ZC3H18: variants seen among roughly 807,000 people sequenced by gnomAD.
ZC3H18 encodes the protein zinc finger CCCH domain-containing protein 18.
Under a neutral mutation model 106.1 loss-of-function variants are expected in ZC3H18, and 8 were observed. That is an observed-to-expected ratio of 0.08 (90% CI 0.04 to 0.14). ZC3H18 has a LOEUF of 0.14. ZC3H18 is among the 10% of genes least tolerant of loss of function. The probability of loss-of-function intolerance (pLI) is 1.00; values close to 1 mark genes in which losing one functional copy is unlikely to be tolerated. For synonymous variants in ZC3H18, 635 were observed against 522.1 expected (o/e 1.22, Z -2.95); for missense variants, 1,318 against 1,278.4 (o/e 1.03, Z -0.47).
intron 11 of ZC3H18, 194 bp from the exon 12 acceptor site, chr16:88,624,408 G>C: frequency 1.1e-6 from 1 of 878,516 alleles, no homozygotes. Context: ...TGGAAGGGCT[G>C]CTGGGGGCTT....
chr16:88,591,987 C>T (rs942325214), intron 3 of ZC3H18, among the ~76,000 whole-genome samples: 25 of 150,182 alleles, frequency 1.7e-4, no homozygotes, highest in Non-Finnish European at 2.7e-4. Context: ...CCGCTGGCAG[C>T]GGAGTTGCTG....
intron 3 of ZC3H18, among the ~76,000 whole-genome samples, chr16:88,588,860 C>G (rs184864014): frequency 5.9e-5 from 9 of 151,962 alleles, no homozygotes; most frequent in African/African-American, 2.2e-4. Context: ...GTACTCCAGC[C>G]TGGGCGACAG....
chr16:88,603,789 AT>A (rs58417387), intron 6 of ZC3H18, among the ~76,000 whole-genome samples: 3,997 of 135,366 alleles, frequency 0.03, 82 homozygotes, highest in African/African-American at 0.053. Context: ...TGCCCGGCTA[AT>A]TTTTTTTTTT....
At chr16:88,607,609 C>A (rs1055865568) in intron 6 of ZC3H18, among the ~76,000 whole-genome samples, 1 of 152,158 alleles carries the variant, frequency 6.6e-6, no homozygotes, top group Non-Finnish European at 1.5e-5. Flanking sequence ...TTTATTCACA[C>A]GCTTCATGTC....
chr16:88,602,050 C>T (rs1454956471), intron 6 of ZC3H18, among the ~76,000 whole-genome samples: 1 of 152,202 alleles, frequency 6.6e-6, no homozygotes, highest in Non-Finnish European at 1.5e-5. Context: ...TGCTGAGACC[C>T]GGAGGGAAGG....
In ZC3H18 at chr16:88,631,516, A is replaced by C. The variant is rs1906690519; in HGVS notation, c.*217A>C. 2.9e-6 allele frequency: 2 copies of C among 684,012 alleles called. No individual in the cohort carries two copies. The highest frequency in any genetic ancestry group is 5.9e-5 in the East Asian group (2 of 33,948). The allele number at this position is 684,012 out of a possible 1,614,324, so 42.4% of individuals were successfully genotyped here. On this transcript the variant is annotated 3_prime_UTR_variant, in exon 18 of 18. Coordinates refer to ENST00000301011, the MANE Select transcript of ZC3H18 (RefSeq NM_144604.4). The stretch of plus-strand genomic sequence containing the variant: ...CAGAAGTCCCGCAGGACAGACAGAC[A>C]CAGACAGCGCTAGTGACCAGCACGG...
intron 1 of ZC3H18, among the ~76,000 whole-genome samples, chr16:88,573,946 C>G (rs1439824113): frequency 1.3e-5 from 2 of 151,668 alleles, no homozygotes; most frequent in Non-Finnish European, 2.9e-5. Context: ...AATCTTGGCT[C>G]ACTGCAACCT....
rs533154332 is a variant in ZC3H18, at chr16:88,577,543, C to T, written c.420C>T (p.Pro140=). The change falls in exon 2 of 18, where the codon CCC becomes CCT. Residue 140 remains proline, a synonymous_variant. Transcript: ENST00000301011. ...YDEEVPEEPA[P]AVQEDEAEKA... is the part of the protein sequence containing the mutation. ...AGGAGGTTCCTGAGGAGCCAGCTCC[C>T]GCCGTCCAGGAGGACGAGGCTGAGA... 18 of 1,613,384 alleles carry T rather than the reference C, an allele frequency of 1.1e-5. No homozygotes were observed. Among genetic ancestry groups the T allele is most frequent in the Non-Finnish European group, 1.3e-5 (15 of 1,179,932 alleles).
At chr16:88,619,329 C>G (rs962018211) in intron 8 of ZC3H18, among the ~76,000 whole-genome samples, 2 of 152,208 alleles carry the variant, frequency 1.3e-5, no homozygotes, top group African/African-American at 4.8e-5. Context: ...AAATCAGTAC[C>G]ACCACGTCCC....
At chr16:88,596,793 GC>G (rs1467734152) in intron 3 of ZC3H18, among the ~76,000 whole-genome samples, 1 of 152,244 alleles carries the variant, frequency 6.6e-6, no homozygotes, top group African/African-American at 2.4e-5. Context: ...ATTTTCAGAG[GC>G]AAACCATGAA....
chr16:88,628,277 T>C (rs572906613), intron 15 of ZC3H18, among the ~76,000 whole-genome samples, 158 bp downstream of exon 15: 4 of 152,180 alleles, frequency 2.6e-5, no homozygotes, highest in Non-Finnish European at 5.9e-5. Context: ...GACTCCATCT[T>C]TCCGGCCTGG....
Position 88,624,663 on chromosome 16 carries a change from G to T in ZC3H18, c.1960G>T (p.Ala654Ser), listed in dbSNP as rs1244820810. ...PAPPQATKTT[A>S]PVPEPTKPGD... ...CCCACCACAGGCCACCAAAACCACTGCTCCTGTCCCCGAGCCCACCAAGCC... is the reference window on the plus strand; with the variant it reads ...CCCACCACAGGCCACCAAAACCACTTCTCCTGTCCCCGAGCCCACCAAGCC... The change falls in exon 12 of 18, where the codon GCT becomes TCT. Residue 654 changes from alanine (A) to serine (S), a missense_variant. Ala to Ser is a moderately conservative substitution (Grantham distance 99). Transcript: ENST00000301011. 6.2e-7 allele frequency: 1 copy of T among 1,613,980 alleles called. No individual in the cohort carries two copies. The highest frequency in any genetic ancestry group is 1.1e-5 in the South Asian group (1 of 91,084).
At chr16:88,613,210 T>C (rs1312632912) in intron 8 of ZC3H18, among the ~76,000 whole-genome samples, 1 of 152,232 alleles carries the variant, frequency 6.6e-6, no homozygotes, top group African/African-American at 2.4e-5. Flanking sequence ...CGTGGGTCAG[T>C]GCTTTATTCC....
chr16:88,618,898 C>T (rs149419132), intron 8 of ZC3H18, among the ~76,000 whole-genome samples: 137 of 152,296 alleles, frequency 9.0e-4, no homozygotes, highest in African/African-American at 3.2e-3. Context: ...CCCACACTGG[C>T]TCCCTCTGCG....
chr16:88,619,343 C>T (rs1205458641), intron 8 of ZC3H18, among the ~76,000 whole-genome samples: 1 of 152,212 alleles, frequency 6.6e-6, no homozygotes, highest in Non-Finnish European at 1.5e-5. Flanking sequence ...ACGTCCCACA[C>T]GTGGTAACAT....
chr16:88,576,721 GTTTATC>G (rs1289111658), intron 1 of ZC3H18, among the ~76,000 whole-genome samples: 2 of 152,226 alleles, frequency 1.3e-5, no homozygotes, highest in African/African-American at 2.4e-5. Context: ...CCATGATACA[GTTTATC>G]TTTAATTTCA....
chr16:88,590,970 AC>A (rs199825647), intron 3 of ZC3H18, among the ~76,000 whole-genome samples: 47,091 of 128,416 alleles, frequency 0.37, 7,475 homozygotes, highest in East Asian at 0.57. Context: ...GTGGTGGAAT[AC>A]TTTTTTTTTT....
Position 88,611,456 on chromosome 16 carries a change from G to GCAGCACCGTGAC in ZC3H18, c.1397_1408dup (p.Gln466_Asp469dup). 1 of 1,538,714 alleles carries GCAGCACCGTGAC rather than the reference G, an allele frequency of 6.5e-7. No individual in the cohort carries two copies. The highest frequency in any genetic ancestry group is 1.4e-5 in the African/African-American group (1 of 72,902). Reference sequence around the variant, plus strand: ...GAGCCAAGCGGGACGAGAAGGACCGGCAGCACCGTGACCGCGACCGGGAGA... The same window carrying GCAGCACCGTGAC: ...GAGCCAAGCGGGACGAGAAGGACCGGCAGCACCGTGACCAGCACCGTGACCGCGACCGGGAGA... On this transcript the variant is annotated inframe_insertion, in exon 8 of 18. Transcript: ENST00000301011.
chr16:88,627,583 G>T lies in ZC3H18; in HGVS notation c.2109-39G>T. ...CACCCCCTGCTGGCCCCTCCCTCCAGTCTGGCTGGGGTGTGGTGAGATGTG... is the reference window on the plus strand; with the variant it reads ...CACCCCCTGCTGGCCCCTCCCTCCATTCTGGCTGGGGTGTGGTGAGATGTG... On this transcript the variant is annotated intron_variant, in intron 13 of 17. Coordinates refer to ENST00000301011, the MANE Select transcript of ZC3H18 (RefSeq NM_144604.4). The surrounding 1 kb of genome is among the most constrained non-coding windows in gnomAD (Gnocchi z 4.5). 6.4e-7 allele frequency: 1 copy of T among 1,566,744 alleles called. No homozygotes were observed. The highest frequency in any genetic ancestry group is 8.7e-7 in the Non-Finnish European group (1 of 1,150,598).
Sources: allele counts gnomAD v4.1 joint callset (sites outside exome capture counted in the v4.1 genomes callset), GRCh38; gene constraint gnomAD v4.1.1; non-coding constraint Gnocchi (gnomAD v3.1); transcripts MANE v1.5; gene names NCBI Gene and HGNC (gene_info 2026-07-23, HGNC 2026-07-21).